The following DNAH9 variants were observed in gnomAD, a reference collection of about 807,000 sequenced individuals.
DNAH9 encodes the protein DNAH9 variant protein.
Under a neutral mutation model 471.6 loss-of-function variants are expected in DNAH9, and 345 were observed. The ratio of observed to expected loss-of-function variants is 0.73; its 90% CI spans 0.67 to 0.80. DNAH9 has a LOEUF of 0.80. DNAH9 is among the 30% of genes least tolerant of loss of function. The pLI, the probability that DNAH9 is intolerant of heterozygous loss-of-function variation, is 0.00. For missense variants in DNAH9, 5,407 were observed against 5,609.2 expected, an observed-to-expected ratio of 0.96 and a Z score of 1.15; for synonymous variants, 2,093 against 2,123.6, an observed-to-expected ratio of 0.99 and a Z score of 0.40.
intron 28 of DNAH9, among the ~76,000 whole-genome samples, chr17:11,734,685 G>A (rs1213589467): frequency 6.6e-6 from 1 of 152,210 alleles, no homozygotes; most frequent in Non-Finnish European, 1.5e-5. Context: ...CCCAGACTTT[G>A]TGAAGGCTTC....
rs189216791 is a variant in DNAH9, at chr17:11,902,013, G to A, written c.11407-706G>A. Among the ~76,000 whole-genome samples, 9 of 152,356 alleles carry A rather than the reference G, an allele frequency of 5.9e-5. No homozygotes were observed. The East Asian group carries it at 1.7e-3, about 29-fold the overall frequency. Reference sequence around the variant, plus strand: ...ACAATCGTGACCAGCACAAGAAAAGGAAGAAGTGGAATGTGGCAGAAAAGA... The same window carrying A: ...ACAATCGTGACCAGCACAAGAAAAGAAAGAAGTGGAATGTGGCAGAAAAGA... On this transcript the variant is annotated intron_variant, in intron 59 of 68. Coordinates refer to ENST00000262442, the MANE Select transcript of DNAH9 (RefSeq NM_001372.4).
Position 11,937,292 on chromosome 17 carries a change from T to A in DNAH9, c.12490-60T>A. 6.5e-7 allele frequency: 1 copy of A among 1,546,818 alleles called. No homozygotes were observed. Among genetic ancestry groups the A allele is most frequent in the South Asian group, 1.2e-5 (1 of 80,208 alleles). The stretch of plus-strand genomic sequence containing the variant: ...GGACTCCCTGCAGAGGACAAGCCGG[T>A]GTGGGAGATGGGAGGTACGTCCTGG... On this transcript the variant is annotated intron_variant, in intron 65 of 68. Coordinates refer to ENST00000262442, the MANE Select transcript of DNAH9 (RefSeq NM_001372.4). This position sits in a 1 kb window ranked among gnomAD's most constrained non-coding sequence, Gnocchi z 4.1.
chr17:11,739,068 C>A, intron 29 of DNAH9, 31 bp downstream of exon 29: 3 of 1,508,606 alleles, frequency 2.0e-6, no homozygotes, highest in Non-Finnish European at 2.7e-6. Flanking sequence ...ATGCAAAAGC[C>A]CCAAAAGAGA....
At chr17:11,961,717 C>A in intron 67 of DNAH9, 150 bp from the exon 68 acceptor site, 1 of 977,322 alleles carries the variant, frequency 1.0e-6, no homozygotes, top group Non-Finnish European at 1.5e-6. Context: ...ATTGTGTCAC[C>A]TACCCCTGGA....
chr17:11,921,283 G>C (rs1974131429), intron 61 of DNAH9, among the ~76,000 whole-genome samples: 1 of 151,356 alleles, frequency 6.6e-6, no homozygotes, highest in Non-Finnish European at 1.5e-5. Context: ...AGAAGAAATA[G>C]CCTCCAAGTA....
intron 14 of DNAH9, among the ~76,000 whole-genome samples, chr17:11,660,027 T>C (rs181664273): frequency 1.3e-5 from 2 of 152,338 alleles, no homozygotes; most frequent in Non-Finnish European, 2.9e-5. Context: ...TTTTTCTTTT[T>C]CTTAATTTTA....
At chr17:11,714,657 A>G (rs2074928786) in intron 26 of DNAH9, among the ~76,000 whole-genome samples, 2 of 152,194 alleles carry the variant, frequency 1.3e-5, no homozygotes, top group African/African-American at 2.4e-5. Flanking sequence ...TTATTTAGGT[A>G]GACTTAATAT....
intron 17 of DNAH9, among the ~76,000 whole-genome samples, chr17:11,676,016 G>C (rs1265554421): frequency 3.3e-5 from 5 of 152,006 alleles, no homozygotes; most frequent in Non-Finnish European, 7.4e-5. Flanking sequence ...TGATCTGTGA[G>C]AGTTTGATTT....
At chr17:11,765,747 T>C (rs1381992121) in intron 36 of DNAH9, among the ~76,000 whole-genome samples, 1 of 152,144 alleles carries the variant, frequency 6.6e-6, no homozygotes, top group East Asian at 1.9e-4. Flanking sequence ...ATTTCCCCTT[T>C]GAGGCAAGGA....
At chr17:11,873,824 A>G (rs1972369978) in intron 52 of DNAH9, among the ~76,000 whole-genome samples, 2 of 152,182 alleles carry the variant, frequency 1.3e-5, no homozygotes, top group South Asian at 4.1e-4. Context: ...CGATGGCTGC[A>G]TAATGTTATG....
intron 67 of DNAH9, among the ~76,000 whole-genome samples, chr17:11,961,637 G>T (rs906425271): frequency 1.3e-5 from 2 of 152,208 alleles, no homozygotes; most frequent in African/African-American, 4.8e-5. Context: ...TGACATCAGA[G>T]CAGGGAGGGT....
intron 51 of DNAH9, among the ~76,000 whole-genome samples, chr17:11,870,431 T>C (rs1972221260): frequency 6.6e-6 from 1 of 152,222 alleles, no homozygotes; most frequent in South Asian, 2.1e-4. Flanking sequence ...TTGACATTTA[T>C]TCCAGCCACC....
intron 50 of DNAH9, 77 bp from the exon 51 acceptor site, chr17:11,869,057 G>C: frequency 6.5e-7 from 1 of 1,549,542 alleles, no homozygotes. Flanking sequence ...CCACCTCCAT[G>C]TGAACCCTCA....
At chr17:11,815,633 A>G (rs1970070348) in intron 45 of DNAH9, among the ~76,000 whole-genome samples, 1 of 152,134 alleles carries the variant, frequency 6.6e-6, no homozygotes, top group Non-Finnish European at 1.5e-5. Flanking sequence ...TATGAAAAGT[A>G]CAAAGAGTAT....
chr17:11,626,167 G>A lies in DNAH9; in HGVS notation c.1351-3250G>A, dbSNP rs1387947722. ...TGTCTCTGAAGTGGATATTTCAGCC[G>A]GTGTATAACATGATGAATTTCGTGT... On this transcript the variant is annotated intron_variant, in intron 6 of 68. Coordinates refer to ENST00000262442, the MANE Select transcript of DNAH9 (RefSeq NM_001372.4). This position sits in a 1 kb window ranked among gnomAD's most constrained non-coding sequence, Gnocchi z 4.3. 3.3e-5 allele frequency among the ~76,000 whole-genome samples: 5 copies of A among 151,958 alleles called. No individual in the cohort carries two copies. Among genetic ancestry groups the A allele is most frequent in the Admixed American group, 6.6e-5 (1 of 15,244 alleles).
intron 68 of DNAH9, 96 bp from the exon 69 acceptor site, chr17:11,969,204 C>T (rs1207106741): frequency 1.2e-5 from 13 of 1,082,692 alleles, no homozygotes; most frequent in Non-Finnish European, 1.8e-5. Flanking sequence ...CATGTCAGTC[C>T]AGTCTTTCCT....
intron 62 of DNAH9, chr17:11,925,483 T>A (rs1487362546): frequency 3.8e-6 from 1 of 266,376 alleles, no homozygotes; most frequent in Non-Finnish European, 7.4e-6. Flanking sequence ...GAAAAGATAA[T>A]AACAGCTGAG....
At chr17:11,797,507 A>T in intron 42 of DNAH9, 90 bp from the exon 43 acceptor site, 1 of 1,073,238 alleles carries the variant, frequency 9.3e-7, no homozygotes, top group East Asian at 2.5e-5. Context: ...ATTTCCAGGG[A>T]ATGTGCAGAG....
intron 22 of DNAH9, among the ~76,000 whole-genome samples, 197 bp from the exon 23 acceptor site, chr17:11,699,534 C>A (rs1354378000): frequency 2.0e-5 from 3 of 152,212 alleles, no homozygotes; most frequent in African/African-American, 7.2e-5. Flanking sequence ...TTTATTCAGT[C>A]TTCCTTTGGC....
Sources: allele counts gnomAD v4.1 joint callset (sites outside exome capture counted in the v4.1 genomes callset), GRCh38; gene constraint gnomAD v4.1.1; non-coding constraint Gnocchi (gnomAD v3.1); transcripts MANE v1.5; gene names NCBI Gene and HGNC (gene_info 2026-07-23, HGNC 2026-07-21).